POLR3C: variants seen among roughly 807,000 people sequenced by gnomAD.
POLR3C encodes the protein DNA-directed RNA polymerase III subunit RPC3.
A neutral mutation model predicts 65.9 loss-of-function variants in POLR3C; 44 were observed. That is an observed-to-expected ratio of 0.67 (90% CI 0.52 to 0.86). The LOEUF (loss-of-function observed/expected upper bound fraction) is 0.86, where lower values mean the gene tolerates loss of function less well. POLR3C is among the 40% of genes least tolerant of loss of function. The probability of loss-of-function intolerance (pLI) is 0.00; values close to 1 mark genes in which losing one functional copy is unlikely to be tolerated. For synonymous variants in POLR3C, 263 were observed against 231.6 expected (o/e 1.14, Z -1.23); for missense variants, 576 against 653.2 (o/e 0.88, Z 1.29).
chr1:145,836,558 T>A lies in POLR3C; in HGVS notation c.941T>A (p.Leu314Gln). The A allele has an allele frequency of 6.2e-7, 1 of 1,602,062 alleles. No homozygotes were observed. The highest frequency in any genetic ancestry group is 1.7e-4 in the Middle Eastern group (1 of 6,046). Reference protein sequence around the residue: ...SKQVLDQYLTLLADDPLEFVG... With the variant: ...SKQVLDQYLTQLADDPLEFVG... ...CAAGTTCTTGATCAGTATCTCACTC[T>A]GCTGGCAGATGATCCAGTAAGTCTG... The change falls in exon 8 of 15, where the codon CTG (leucine) becomes CAG (glutamine). Residue 314 changes from leucine to glutamine, a missense_variant. Leu to Gln is a moderately radical substitution (Grantham distance 113). Transcript: ENST00000334163.
At chr1:145,841,982 C>CATTT (rs1652325778) in intron 14 of POLR3C, among the ~76,000 whole-genome samples, 1 of 152,080 alleles carries the variant, frequency 6.6e-6, no homozygotes, top group African/African-American at 2.4e-5. Flanking sequence ...AAGAAGCTTC[C>CATTT]ATTTCTTCCT....
rs1372650954 is a variant in POLR3C, at chr1:145,842,367, G to A, written c.1552G>A (p.Glu518Lys). Residue 518 changes from glutamate to lysine, a missense_variant, in exon 15 of 15, where the codon GAA becomes AAA. Coordinates refer to ENST00000334163, the MANE Select transcript of POLR3C (RefSeq NM_006468.8). ...GGATGCCAGTGAGATCCAGGTGGAC[G>A]AAACCATCTTCCTGCTGGAGTCTTA... is the stretch of plus-strand genomic sequence containing the variant. ...KLDASEIQVD[E>K]TIFLLESYIE... is the part of the protein sequence containing the mutation. The A allele has an allele frequency of 6.2e-6, 10 of 1,611,350 alleles. No homozygotes were observed. Among genetic ancestry groups the A allele is most frequent in the African/African-American group, 5.3e-5 (4 of 74,880 alleles).
chr1:145,829,396 C>T (rs1367053170), intron 5 of POLR3C, among the ~76,000 whole-genome samples: 1 of 152,200 alleles, frequency 6.6e-6, no homozygotes, highest in Non-Finnish European at 1.5e-5. Flanking sequence ...CATATCAGCC[C>T]AGTTTCCAAA....
chr1:145,837,914 T>C (rs1374146242), intron 10 of POLR3C, 142 bp from the exon 11 acceptor site: 4 of 729,922 alleles, frequency 5.5e-6, no homozygotes, highest in Non-Finnish European at 9.0e-6. Flanking sequence ...CACCAACCTA[T>C]GGAGCTGTAG....
chr1:145,841,046 G>C lies in POLR3C; in HGVS notation c.1498G>C (p.Glu500Gln). ...CACAGCTCCTGAACGTCAGCAGCTA[G>C]AGACCCTGAAACGTAATGTCAACAA... ...MITAPERQQLETLKRNVNKLD... is the reference protein window; with the variant it reads ...MITAPERQQLQTLKRNVNKLD... Residue 500 changes from glutamate (E) to glutamine (Q), a missense_variant, in exon 14 of 15, where the codon GAG becomes CAG. Transcript: ENST00000334163. 1 of 1,613,840 alleles carries C rather than the reference G, an allele frequency of 6.2e-7. No homozygotes were observed. Among genetic ancestry groups the C allele is most frequent in the Non-Finnish European group, 8.5e-7 (1 of 1,179,720 alleles).
chr1:145,825,624 T>A (rs373248164), intron 1 of POLR3C, 133 bp from the exon 2 acceptor site: 3 of 528,908 alleles, frequency 5.7e-6, no homozygotes, highest in Middle Eastern at 3.2e-4. Context: ...TTCAAAGATA[T>A]GCAAGATTTT....
chr1:145,826,993 C>G lies in POLR3C; in HGVS notation c.577C>G (p.Leu193Val). ...NEKDMYLVPK[L>V]SLIGKGKRRR... ...AAAGGACATGTACCTGGTTCCTAAA[C>G]TCAGCTTGATAGGTAAGGAATTTTA... is the stretch of plus-strand genomic sequence containing the variant. The change falls in exon 4 of 15, where the codon CTC becomes GTC. Residue 193 changes from leucine (L) to valine (V), a missense_variant. Physicochemically the swap from Leu to Val is conservative, Grantham distance 32. Coordinates refer to ENST00000334163, the MANE Select transcript of POLR3C (RefSeq NM_006468.8). The G allele has an allele frequency of 6.2e-7, 1 of 1,609,048 alleles. No homozygotes were observed. The highest frequency in any genetic ancestry group is 8.5e-7 in the Non-Finnish European group (1 of 1,178,564).
Position 145,828,848 on chromosome 1 carries a change from T to C in POLR3C, c.678+11T>C, listed in dbSNP as rs781892961. ...ACAGATAACAAGGAGGTAATGGGGCTTCTTGATTAGAAGTCCTCACCCTGA... is the reference window on the plus strand; with the variant it reads ...ACAGATAACAAGGAGGTAATGGGGCCTCTTGATTAGAAGTCCTCACCCTGA... On this transcript the variant is annotated intron_variant, in intron 5 of 14. Coordinates refer to ENST00000334163, the MANE Select transcript of POLR3C (RefSeq NM_006468.8). 4 of 1,467,634 alleles carry C rather than the reference T, an allele frequency of 2.7e-6. No individual in the cohort carries two copies. The highest frequency in any genetic ancestry group is 3.8e-6 in the Non-Finnish European group (4 of 1,046,614). 90.9% of individuals were successfully genotyped at this position (1,467,634 alleles called of 1,614,324 possible).
intron 9 of POLR3C, 85 bp downstream of exon 9, chr1:145,836,951 G>A: frequency 1.4e-6 from 1 of 711,098 alleles, no homozygotes; most frequent in Non-Finnish European, 2.5e-6. Flanking sequence ...ATTTGGTAAT[G>A]TTTATTATAC....
chr1:145,841,534 C>T (rs1253582265), intron 14 of POLR3C, among the ~76,000 whole-genome samples: 1 of 152,164 alleles, frequency 6.6e-6, no homozygotes, highest in African/African-American at 2.4e-5. Context: ...AATTTGTGCA[C>T]CTCTTTCATT....
rs374861364 is a variant in POLR3C at position 145,837,582 on chromosome 1, C to T, written c.1056C>T (p.Ser352=). 2.9e-5 allele frequency: 47 copies of T among 1,606,610 alleles called. No homozygotes were observed. The highest frequency in any genetic ancestry group is 2.8e-4 in the African/African-American group (21 of 74,606). Residue 352 remains serine (S), a synonymous_variant, in exon 10 of 15, where the codon TCC becomes TCT. Transcript: ENST00000334163. ...CCCTAGCCACAGCCACTCTGGAGTCCGTCGTACAGGAGAGGTAAGGGGGAC... is the reference window on the plus strand; with the variant it reads ...CCCTAGCCACAGCCACTCTGGAGTCTGTCGTACAGGAGAGGTAAGGGGGAC... ...LASLATATLE[S]VVQERFGSRC...
chr1:145,827,987 G>C (rs1650928070), intron 4 of POLR3C, among the ~76,000 whole-genome samples: 1 of 141,286 alleles, frequency 7.1e-6, no homozygotes, highest in African/African-American at 2.5e-5. Context: ...GGGAGTTTAG[G>C]CCTCATGTTT....
In POLR3C at chr1:145,838,068, C is replaced by T. The variant is rs782489460; in HGVS notation, c.1083C>T (p.Arg361=). Residue 361 remains arginine, a synonymous_variant, in exon 11 of 15, where the codon CGC becomes CGT. Coordinates refer to ENST00000334163, the MANE Select transcript of POLR3C (RefSeq NM_006468.8). ...ESVVQERFGS[R]CARIFRLVLQ... is the part of the protein sequence containing the mutation. Reference sequence around the variant, plus strand: ...CATTCCTTTCCAGATTTGGGTCTCGCTGTGCTAGAATATTCCGTCTAGTTT... The same window carrying T: ...CATTCCTTTCCAGATTTGGGTCTCGTTGTGCTAGAATATTCCGTCTAGTTT... The T allele has an allele frequency of 3.1e-6, 5 of 1,614,008 alleles. No individual in the cohort carries two copies. The highest frequency in any genetic ancestry group is 1.6e-4 in the Middle Eastern group (1 of 6,062).
In POLR3C at chr1:145,842,432, CA is replaced by C; in HGVS notation, c.*13del. The stretch of plus-strand genomic sequence containing the variant: ...TGAAGAGACAGTGATCCAGAAGAAG[CA>C]TCTTCCTCAGAAGATCTGGGGGGAT... On this transcript the variant is annotated 3_prime_UTR_variant, in exon 15 of 15. Coordinates refer to ENST00000334163, the MANE Select transcript of POLR3C (RefSeq NM_006468.8). 1 of 1,552,886 alleles carries C rather than the reference CA, an allele frequency of 6.4e-7. No individual in the cohort carries two copies. Among genetic ancestry groups the C allele is most frequent in the South Asian group, 1.1e-5 (1 of 89,874 alleles).
intron 14 of POLR3C, 137 bp downstream of exon 14, chr1:145,841,208 C>T (rs1456244651): frequency 2.8e-6 from 2 of 719,784 alleles, no homozygotes; most frequent in African/African-American, 3.5e-5. Context: ...GAATTTAATC[C>T]ACCTATTTTT....
At chr1:145,831,972 G>C (rs1651365140) in intron 5 of POLR3C, among the ~76,000 whole-genome samples, 2 of 151,990 alleles carry the variant, frequency 1.3e-5, no homozygotes, top group South Asian at 4.1e-4. Context: ...GCCCAGGGAG[G>C]TCAAGGCTGC....
Position 145,840,904 on chromosome 1 carries a change from G to C in POLR3C, c.1374-18G>C, listed in dbSNP as rs782377194. 16 of 1,607,414 alleles carry C rather than the reference G, an allele frequency of 1.0e-5. No homozygotes were observed. In the East Asian group the frequency reaches 2.7e-4, roughly 27 times the overall value. ...CCCAGGTTAGGGAAGATGTCTCAGA[G>C]TTGTGTTTGTTTGACAGGCGTCTAC... On this transcript the variant is annotated intron_variant, in intron 13 of 14. Transcript: ENST00000334163.
chr1:145,824,305 A>C lies in POLR3C; in HGVS notation c.-85A>C. 9 of 311,970 alleles carry C rather than the reference A, an allele frequency of 2.9e-5. No homozygotes were observed. The highest frequency in any genetic ancestry group is 2.2e-4 in the South Asian group (9 of 40,256). 19.3% of individuals were successfully genotyped at this position (311,970 alleles called of 1,614,324 possible). A position where few individuals can be genotyped will look rare whatever the true frequency, so the allele number is the denominator to read the frequency against. Reference sequence around the variant, plus strand: ...GGCCTAGAAGGCCAGCGGGAGCCGTAGGAAGCCGTCGCGGGAAGCTCAGCC... The same window carrying C: ...GGCCTAGAAGGCCAGCGGGAGCCGTCGGAAGCCGTCGCGGGAAGCTCAGCC... On this transcript the variant is annotated 5_prime_UTR_variant, in exon 1 of 15. Coordinates refer to ENST00000334163, the MANE Select transcript of POLR3C (RefSeq NM_006468.8).
At position 145,839,892 on chromosome 1, in the gene POLR3C, A is replaced by G. The variant is rs1553729918; in HGVS notation, c.1224A>G (p.Glu408=). ...MLSENFMSLQ[E]IPKTPDHAPS... The stretch of plus-strand genomic sequence containing the variant: ...TTTTCTTTCTATTGGACAAATAGGA[A>G]ATTCCCAAAACACCAGACCATGCCC... Residue 408 remains glutamate (E), a splice_region_variant and synonymous_variant, in exon 12 of 15, where the codon GAA becomes GAG. Coordinates refer to ENST00000334163, the MANE Select transcript of POLR3C (RefSeq NM_006468.8). 6.4e-7 allele frequency: 1 copy of G among 1,567,966 alleles called. No individual in the cohort carries two copies. The highest frequency in any genetic ancestry group is 2.2e-5 in the East Asian group (1 of 44,676).
Sources: gnomAD v4.1 joint callset for allele counts (sites outside exome capture counted in the v4.1 genomes callset) on GRCh38, gnomAD v4.1.1 for gene constraint, MANE v1.5 for transcripts, NCBI Gene and HGNC (gene_info 2026-07-23, HGNC 2026-07-21) for gene names.